CTNNA3: variants seen among roughly 807,000 people sequenced by gnomAD.
CTNNA3 encodes the protein catenin alpha 3.
Under a neutral mutation model 95.7 loss-of-function variants are expected in CTNNA3, and 76 were observed. The observed-to-expected ratio is 0.79, with a 90% CI of 0.66 to 0.96. The LOEUF (loss-of-function observed/expected upper bound fraction) is 0.96, where lower values mean the gene tolerates loss of function less well. CTNNA3 is among the 40% of genes least tolerant of loss of function. CTNNA3 has a pLI of 0.00. For missense variants in CTNNA3, 1,191 were observed against 1,089.8 expected, an observed-to-expected ratio of 1.09 and a Z score of -1.31; for synonymous variants, 431 against 374.4, an observed-to-expected ratio of 1.15 and a Z score of -1.74.
intron 7 of CTNNA3, among the ~76,000 whole-genome samples, chr10:67,030,486 C>T (rs1853645915): frequency 6.6e-6 from 1 of 151,840 alleles, no homozygotes; most frequent in South Asian, 2.1e-4. Context: ...TATATTCACA[C>T]CCACACAAAA....
chr10:66,189,600 T>TATATATATATATATATATATA (rs2086542942), intron 13 of CTNNA3, among the ~76,000 whole-genome samples: 1 of 89,356 alleles, frequency 1.1e-5, no homozygotes, highest in Non-Finnish European at 2.3e-5. Flanking sequence ...TACTATAGAT[T>TATATATATATATATATATATA]TATATATATA....
chr10:66,653,953 C>A (rs978774825), intron 9 of CTNNA3, among the ~76,000 whole-genome samples: 2 of 152,084 alleles, frequency 1.3e-5, no homozygotes, highest in African/African-American at 2.4e-5. Flanking sequence ...AAAATCAACT[C>A]AAAATGGATT....
At position 66,868,321 on chromosome 10, in the gene CTNNA3, C is replaced by T. The variant is rs530380731; in HGVS notation, c.1048-92797G>A. Among the ~76,000 whole-genome samples the T allele has an allele frequency of 1.0e-3, 155 of 149,234 alleles. 1 individual carries two copies. Among genetic ancestry groups the T allele is most frequent in the African/African-American group, 2.7e-3 (109 of 40,426 alleles). ...CAGAGGTTGCAGTGAACCGAGATCG[C>T]GCCATTGCACTCCAGCCTGTGCAAC... On this transcript the variant is annotated intron_variant, in intron 7 of 17. Coordinates refer to ENST00000433211, the MANE Select transcript of CTNNA3 (RefSeq NM_013266.4).
At chr10:66,128,757 C>A (rs2082944027) in intron 13 of CTNNA3, among the ~76,000 whole-genome samples, 1 of 151,930 alleles carries the variant, frequency 6.6e-6, no homozygotes, top group Non-Finnish European at 1.5e-5. Context: ...AAGAATACAC[C>A]CTGATGTAAG....
At chr10:66,856,379 G>T (rs542379324) in intron 7 of CTNNA3, among the ~76,000 whole-genome samples, 23 of 151,672 alleles carry the variant, frequency 1.5e-4, no homozygotes, top group Non-Finnish European at 3.0e-4. Context: ...TGCAATGTGT[G>T]CATGTGTCTT....
intron 9 of CTNNA3, among the ~76,000 whole-genome samples, chr10:66,727,483 T>C (rs1051221019): frequency 6.6e-6 from 1 of 152,270 alleles, no homozygotes; most frequent in East Asian, 1.9e-4. Context: ...CTTTGCCAGA[T>C]GTATAGGTTA....
At chr10:67,044,683 T>C (rs1249090788) in intron 7 of CTNNA3, among the ~76,000 whole-genome samples, 2 of 152,210 alleles carry the variant, frequency 1.3e-5, no homozygotes, top group East Asian at 3.9e-4. Context: ...TTGTTTTTAA[T>C]GACTTGCACC....
intron 11 of CTNNA3, among the ~76,000 whole-genome samples, chr10:66,490,220 T>G (rs1839876682): frequency 6.6e-6 from 1 of 152,140 alleles, no homozygotes; most frequent in African/African-American, 2.4e-5. Flanking sequence ...TTTTCTGAAT[T>G]TTAGCTATTT....
intron 7 of CTNNA3, among the ~76,000 whole-genome samples, chr10:67,039,147 C>CTTA (rs924713180): frequency 1.3e-5 from 2 of 151,980 alleles, no homozygotes; most frequent in Non-Finnish European, 2.9e-5. Flanking sequence ...TACTATGAAA[C>CTTA]CATAAGCTAT....
rs189572041 is a variant in CTNNA3 at position 67,103,577 on chromosome 10, G to A, written c.1047+76740C>T. ...AGTATAACCACTATTTTAAAGAAAGGAAAATAAGGCTCATAGTAATTAAAT... is the reference window on the plus strand; with the variant it reads ...AGTATAACCACTATTTTAAAGAAAGAAAAATAAGGCTCATAGTAATTAAAT... On this transcript the variant is annotated intron_variant, in intron 7 of 17. Transcript: ENST00000433211. Among the ~76,000 whole-genome samples, 435 of 151,692 alleles carry A rather than the reference G, an allele frequency of 2.9e-3. 1 individual carries two copies. Among genetic ancestry groups the A allele is most frequent in the African/African-American group, 9.8e-3 (406 of 41,462 alleles).
intron 12 of CTNNA3, among the ~76,000 whole-genome samples, chr10:66,347,190 A>C (rs2092529124): frequency 6.6e-6 from 1 of 152,150 alleles, no homozygotes; most frequent in Non-Finnish European, 1.5e-5. Context: ...CTATGGGCCA[A>C]ACATTTTATA....
intron 5 of CTNNA3, among the ~76,000 whole-genome samples, chr10:67,224,991 C>G (rs529073054): frequency 6.6e-6 from 1 of 152,142 alleles, no homozygotes; most frequent in South Asian, 2.1e-4. Flanking sequence ...GTTCTCAAGC[C>G]CAGCTTGCCC....
intron 15 of CTNNA3, among the ~76,000 whole-genome samples, chr10:66,004,079 G>C (rs571753763): frequency 2.0e-5 from 3 of 152,254 alleles, no homozygotes; most frequent in African/African-American, 7.2e-5. Context: ...CAAATGAATA[G>C]CAAGGAGTTT....
rs2086675315 is a variant in CTNNA3, at chr10:66,191,698, T to G, written c.1885-88449A>C. 1.3e-5 allele frequency among the ~76,000 whole-genome samples: 2 copies of G among 152,158 alleles called. 1 individual carries two copies. Among genetic ancestry groups the G allele is most frequent in the South Asian group, 4.1e-4 (2 of 4,832 alleles). On this transcript the variant is annotated intron_variant, in intron 13 of 17. Transcript: ENST00000433211. ...TAGACACTCAGATTCTGAGACATTC[T>G]TTCATGATCATGGATCTATGGCTCA... is the stretch of plus-strand genomic sequence containing the variant.
intron 12 of CTNNA3, among the ~76,000 whole-genome samples, chr10:66,314,496 TTTC>T (rs1233821361): frequency 5.3e-5 from 8 of 152,096 alleles, no homozygotes; most frequent in African/African-American, 1.7e-4. Flanking sequence ...CTTTTTTCCT[TTTC>T]TTCTTCTCTT....
intron 13 of CTNNA3, among the ~76,000 whole-genome samples, chr10:66,193,067 T>C (rs1227769445): frequency 6.6e-6 from 1 of 152,206 alleles, no homozygotes; most frequent in East Asian, 1.9e-4. Context: ...TGTGAGTCCC[T>C]GTTTATCAGC....
At position 66,271,544 on chromosome 10, in the gene CTNNA3, A is replaced by T. The variant is rs149186816; in HGVS notation, c.1884+8926T>A. 5.3e-3 allele frequency among the ~76,000 whole-genome samples: 807 copies of T among 152,316 alleles called. 5 individuals carry two copies. The highest frequency in any genetic ancestry group is 0.018 in the African/African-American group (761 of 41,578). ...TTTAATAATTCACTTAACAAAAAGC[A>T]AACCAAAAACTCTAAGATTCTGCAA... On this transcript the variant is annotated intron_variant, in intron 13 of 17. Transcript: ENST00000433211.
chr10:66,892,794 G>A (rs114377852), intron 7 of CTNNA3, among the ~76,000 whole-genome samples: 1,593 of 152,100 alleles, frequency 0.01, 28 homozygotes, highest in African/African-American at 0.035. Context: ...TAAACACTAC[G>A]AAAATGTAGC....
At chr10:66,015,528 G>C (rs2079078204) in intron 15 of CTNNA3, among the ~76,000 whole-genome samples, 1 of 152,090 alleles carries the variant, frequency 6.6e-6, no homozygotes, top group South Asian at 2.1e-4. Flanking sequence ...AAGTAACTGT[G>C]ACTGAGATTG....
Sources: allele counts gnomAD v4.1 joint callset (sites outside exome capture counted in the v4.1 genomes callset), GRCh38; gene constraint gnomAD v4.1.1; transcripts MANE v1.5; gene names NCBI Gene and HGNC (gene_info 2026-07-23, HGNC 2026-07-21).